The following IQSEC1 variants were observed in gnomAD, a reference collection of about 807,000 sequenced individuals.
The protein encoded by IQSEC1 is IQ motif and Sec7 domain ArfGEF 1, also known as IQ motif and SEC7 domain-containing protein 1.
IQSEC1 carries 31 observed loss-of-function variants against 91.0 expected under a neutral mutation model. The observed-to-expected ratio is 0.34, with a 90% CI of 0.26 to 0.46. The LOEUF (loss-of-function observed/expected upper bound fraction) is 0.46. Ranked by LOEUF, IQSEC1 falls within the 20% of genes least tolerant of loss-of-function variation. The pLI, the probability that IQSEC1 is intolerant of heterozygous loss-of-function variation, is 1.00. For synonymous variants in IQSEC1, 699 were observed against 662.6 expected, an observed-to-expected ratio of 1.05 and a Z score of -0.84; for missense variants, 1,388 against 1,575.6, an observed-to-expected ratio of 0.88 and a Z score of 2.02.
chr3:13,216,621 T>C (rs1326416703), intron 1 of IQSEC1, among the ~76,000 whole-genome samples: 1 of 152,140 alleles, frequency 6.6e-6, no homozygotes, highest in Non-Finnish European at 1.5e-5. Flanking sequence ...CCCAGCCTCT[T>C]TCCATCCTGC....
chr3:12,938,474 G>C (rs1184742803), intron 2 of IQSEC1, among the ~76,000 whole-genome samples: 2 of 152,274 alleles, frequency 1.3e-5, no homozygotes, highest in African/African-American at 4.8e-5. Context: ...GAGCTGGGGG[G>C]GCTTGAGGGG....
In IQSEC1 at chr3:12,908,356, C is replaced by G. The variant is rs146539405; in HGVS notation, c.2748G>C (p.Ser916=). The change falls in exon 12 of 14, where the codon TCG becomes TCC. Residue 916 remains serine, a synonymous_variant. Transcript: ENST00000613206. This position sits in a 1 kb window ranked among gnomAD's most constrained non-coding sequence, Gnocchi z 4.9. ...SALSSSLRDL[S]EAGKRGRRSS... ...TCTAGGCCAAGCTCTTACCGGCTTCCGAGAGGTCCCGCAGGGAGCTGCTGA... is the reference window on the plus strand; with the variant it reads ...TCTAGGCCAAGCTCTTACCGGCTTCGGAGAGGTCCCGCAGGGAGCTGCTGA... 3 of 1,611,586 alleles carry G rather than the reference C, an allele frequency of 1.9e-6. No homozygotes were observed. The highest frequency in any genetic ancestry group is 2.5e-6 in the Non-Finnish European group (3 of 1,179,966).
At chr3:13,145,540 A>G (rs1706874806) in intron 2 of IQSEC1, among the ~76,000 whole-genome samples, 1 of 152,078 alleles carries the variant, frequency 6.6e-6, no homozygotes, top group Non-Finnish European at 1.5e-5. Flanking sequence ...CAGAACTGGC[A>G]CAAGCCCCTG....
chr3:13,276,554 T>A (rs1407494597), intron 1 of IQSEC1, among the ~76,000 whole-genome samples: 1 of 152,000 alleles, frequency 6.6e-6, no homozygotes, highest in African/African-American at 2.4e-5. Flanking sequence ...ACTTGGAAAG[T>A]CCAAGCAGCA....
chr3:13,169,543 C>A (rs1254531972), intron 1 of IQSEC1, among the ~76,000 whole-genome samples: 6 of 152,140 alleles, frequency 3.9e-5, no homozygotes, highest in Non-Finnish European at 7.4e-5. Context: ...CAGAAGAAGA[C>A]AGGAAAATGT....
chr3:12,941,271 G>C (rs1472799754), intron 2 of IQSEC1, among the ~76,000 whole-genome samples: 1 of 152,198 alleles, frequency 6.6e-6, no homozygotes, highest in African/African-American at 2.4e-5. Flanking sequence ...GGCCATGCGG[G>C]TCATGGAACC....
intron 1 of IQSEC1, among the ~76,000 whole-genome samples, chr3:13,183,818 C>G (rs168584): frequency 0.8 from 122,103 of 152,142 alleles, 49,265 homozygotes; most frequent in African/African-American, 0.88. Context: ...CCATGCTCTA[C>G]ACAGACTGAT....
At chr3:12,977,332 T>A (rs113098695) in intron 1 of IQSEC1, among the ~76,000 whole-genome samples, 54 of 143,150 alleles carry the variant, frequency 3.8e-4, no homozygotes, top group African/African-American at 1.3e-3. Context: ...TGGGCAACAG[T>A]ATAAAATCCT....
rs541655141 is a variant in IQSEC1, at chr3:12,899,600, G to A, written c.*1383C>T. 22 of 985,420 alleles carry A rather than the reference G, an allele frequency of 2.2e-5. No homozygotes were observed. In the East Asian group the frequency reaches 3.4e-4, roughly 15 times the overall value. The allele number at this position is 985,420 out of a possible 1,614,324, so 61.0% of individuals were successfully genotyped here. On this transcript the variant is annotated 3_prime_UTR_variant, in exon 14 of 14. Transcript: ENST00000613206. ...ACCATGGGAAGGCAGCGGGGGCTCC[G>A]CCGGGCACTCGTCGGCTGGGGTCAC...
At chr3:12,906,784 G>A (rs925936158) in intron 12 of IQSEC1, among the ~76,000 whole-genome samples, 6 of 152,242 alleles carry the variant, frequency 3.9e-5, no homozygotes, top group African/African-American at 9.6e-5. Flanking sequence ...CAAGGGCCTC[G>A]GTTCTGGCAG....
intron 1 of IQSEC1, among the ~76,000 whole-genome samples, chr3:13,262,865 T>G (rs565191178): frequency 1.3e-5 from 2 of 152,280 alleles, no homozygotes; most frequent in East Asian, 3.9e-4. Context: ...GCAATCCAGT[T>G]CACAGACACA....
intron 1 of IQSEC1, among the ~76,000 whole-genome samples, chr3:12,989,281 T>C (rs772810488): frequency 2.6e-5 from 4 of 152,210 alleles, no homozygotes. Flanking sequence ...AGGTGCTCCA[T>C]AAATATTTGC....
intron 2 of IQSEC1, among the ~76,000 whole-genome samples, chr3:13,127,986 G>T (rs1038548911): frequency 2.6e-5 from 4 of 152,138 alleles, no homozygotes; most frequent in African/African-American, 9.7e-5. Flanking sequence ...ACAGAAATGC[G>T]TTGATTCTGT....
intron 1 of IQSEC1, among the ~76,000 whole-genome samples, chr3:13,000,546 G>A (rs1304736042): frequency 2.6e-5 from 4 of 152,212 alleles, no homozygotes; most frequent in African/African-American, 4.8e-5. Flanking sequence ...CACCTGCCCA[G>A]AAGGTCCCTG....
At chr3:13,084,747 C>T (rs952488445) in intron 2 of IQSEC1, among the ~76,000 whole-genome samples, 13 of 152,288 alleles carry the variant, frequency 8.5e-5, no homozygotes, top group Middle Eastern at 3.4e-3. Flanking sequence ...TGGTACAAAG[C>T]GGTTTCCCAG....
chr3:13,266,095 C>G (rs1417855663), intron 1 of IQSEC1, among the ~76,000 whole-genome samples: 1 of 152,154 alleles, frequency 6.6e-6, no homozygotes, highest in East Asian at 1.9e-4. Flanking sequence ...ACCCCCGGCA[C>G]TGGCTAGGCC....
At position 12,935,745 on chromosome 3, in the gene IQSEC1, C is replaced by G. The variant is rs142922898; in HGVS notation, c.1271G>C (p.Arg424Pro). 6.2e-7 allele frequency: 1 copy of G among 1,610,428 alleles called. No homozygotes were observed. Among genetic ancestry groups the G allele is most frequent in the Non-Finnish European group, 8.5e-7 (1 of 1,179,778 alleles). Residue 424 changes from arginine (R) to proline (P), a missense_variant, in exon 3 of 14, where the codon CGG becomes CCG. This residue lies in a region of IQSEC1 where 1,059 missense variants were observed against 1,317.8 expected (regional missense o/e 0.80). Coordinates refer to ENST00000613206, the MANE Select transcript of IQSEC1 (RefSeq NM_001134382.3). This position sits in a 1 kb window ranked among gnomAD's most constrained non-coding sequence, Gnocchi z 8.0. ...KSLPREEPEL[R>P]PRPPRPLDSH... ...GTCCAGGGGCCTGGGGGGCCGGGGC[C>G]GCAACTCAGGCTCCTCCCGGGGGAG... is the stretch of plus-strand genomic sequence containing the variant.
chr3:12,897,601 C>G lies in IQSEC1; in HGVS notation c.*3382G>C, dbSNP rs1693771672. The G allele has an allele frequency of 6.6e-6, 1 of 152,192 alleles. No homozygotes were observed. The highest frequency in any genetic ancestry group is 2.1e-4 in the South Asian group (1 of 4,826). The allele number at this position is 152,192 out of a possible 1,614,324, so 9.4% of individuals were successfully genotyped here. Reference sequence around the variant, plus strand: ...CCCCACCTCACCCTGCTCAGTGTTGCAATGCTGCCTTGACTATTGTTGTTA... The same window carrying G: ...CCCCACCTCACCCTGCTCAGTGTTGGAATGCTGCCTTGACTATTGTTGTTA... On this transcript the variant is annotated 3_prime_UTR_variant, in exon 14 of 14. Coordinates refer to ENST00000613206, the MANE Select transcript of IQSEC1 (RefSeq NM_001134382.3).
chr3:12,967,331 C>A lies in IQSEC1; in HGVS notation c.24-25466G>T, dbSNP rs1320756997. 4.2e-6 allele frequency: 6 copies of A among 1,444,426 alleles called. No individual in the cohort carries two copies. In the East Asian group the frequency reaches 1.0e-4, roughly 25 times the overall value. 89.5% of individuals were successfully genotyped at this position (1,444,426 alleles called of 1,614,324 possible). On this transcript the variant is annotated intron_variant, in intron 1 of 13. Transcript: ENST00000613206. This position sits in a 1 kb window ranked among gnomAD's most constrained non-coding sequence, Gnocchi z 5.9. ...CCCGCACAGGCATCCCCACAGCCTG[C>A]GCCAGCCCACCGCTCAGCACCCGGG...
Sources: gnomAD v4.1 joint callset for allele counts (sites outside exome capture counted in the v4.1 genomes callset) on GRCh38, gnomAD v4.1.1 for gene constraint, gnomAD v4.1.1 regional missense constraint, Gnocchi (gnomAD v3.1) non-coding constraint, MANE v1.5 for transcripts, NCBI Gene and HGNC (gene_info 2026-07-23, HGNC 2026-07-21) for gene names.